Variants in RCOR1 observed in about 807,000 individuals in gnomAD.
RCOR1 encodes the protein REST corepressor 1, also known as REST corepressor.
In RCOR1, 12 loss-of-function variants were observed where a neutral mutation model predicts 64.0. That is an observed-to-expected ratio of 0.19 (90% CI 0.12 to 0.30). RCOR1 has a LOEUF of 0.30. RCOR1 is among the 10% of genes least tolerant of loss of function. The pLI is 1.00. For missense variants in RCOR1, 502 were observed against 621.2 expected, an observed-to-expected ratio of 0.81 and a Z score of 2.04; for synonymous variants, 279 against 227.2, an observed-to-expected ratio of 1.23 and a Z score of -2.05.
intron 2 of RCOR1, among the ~76,000 whole-genome samples, chr14:102,632,624 C>T (rs978305209): frequency 1.5e-4 from 6 of 40,638 alleles, no homozygotes; most frequent in Admixed American, 1.3e-3. Flanking sequence ...CTTTCCTTTC[C>T]TTTCCTTTCC....
intron 2 of RCOR1, among the ~76,000 whole-genome samples, chr14:102,623,418 ATTTATTTT>A (rs1482708733): frequency 8.2e-5 from 12 of 145,766 alleles, no homozygotes; most frequent in African/African-American, 3.1e-4. Flanking sequence ...TTATTTATTT[ATTTATTTT>A]GAGACGGAGT....
At chr14:102,612,758 G>A (rs1018125081) in intron 2 of RCOR1, among the ~76,000 whole-genome samples, 2 of 151,818 alleles carry the variant, frequency 1.3e-5, no homozygotes, top group Non-Finnish European at 2.9e-5. Context: ...GGAGACTGAG[G>A]TAGGAGGATT....
At position 102,592,677 on chromosome 14, in the gene RCOR1, G is replaced by T; in HGVS notation, c.-210G>T. 1 of 1,228,378 alleles carries T rather than the reference G, an allele frequency of 8.1e-7. No homozygotes were observed. The highest frequency in any genetic ancestry group is 1.0e-6 in the Non-Finnish European group (1 of 985,896). The allele number at this position is 1,228,378 out of a possible 1,614,324, so 76.1% of individuals were successfully genotyped here. On this transcript the variant is annotated 5_prime_UTR_variant, in exon 1 of 12. Transcript: ENST00000262241. ...GCCAGTGAAGTGAGGGCGGCGATGA[G>T]AGCGAAAGTTGCGCTCGGCTCGTCG... is the stretch of plus-strand genomic sequence containing the variant.
At chr14:102,657,390 A>C (rs1894748776) in intron 2 of RCOR1, 8 of 985,272 alleles carry the variant, frequency 8.1e-6, no homozygotes, top group Non-Finnish European at 9.6e-6. Flanking sequence ...TTCTTCTTGG[A>C]GCTAATTTCT....
At chr14:102,635,817 T>A (rs1305987227) in intron 2 of RCOR1, among the ~76,000 whole-genome samples, 1 of 152,036 alleles carries the variant, frequency 6.6e-6, no homozygotes, top group Admixed American at 6.6e-5. Flanking sequence ...CCAGGCGTGG[T>A]GTCATGCACC....
intron 7 of RCOR1, among the ~76,000 whole-genome samples, chr14:102,711,259 C>T (rs1189528731): frequency 6.6e-6 from 1 of 152,226 alleles, no homozygotes; most frequent in Non-Finnish European, 1.5e-5. Flanking sequence ...TTCCCTAGAA[C>T]AGCAGTCCTC....
rs1895562194 is a variant in RCOR1, at chr14:102,692,753, CTTCTTTTT to C, written c.446-8524_446-8517del. 2.3e-5 allele frequency among the ~76,000 whole-genome samples: 3 copies of C among 133,122 alleles called. No homozygotes were observed. In the South Asian group the frequency reaches 6.8e-4, roughly 30 times the overall value. The allele number at this position is 133,122 out of a possible 152,430, so 87.3% of individuals were successfully genotyped here. A position where few individuals can be genotyped will look rare whatever the true frequency, so the allele number is the denominator to read the frequency against. On this transcript the variant is annotated intron_variant, in intron 3 of 11. Transcript: ENST00000262241. ...CCTTCCTTCCTTCCTTCCTTCCTTCCTTCTTTTTCTTTTTCTTTTTTTTTTTTTTTTTG... is the reference window on the plus strand; with the variant it reads ...CCTTCCTTCCTTCCTTCCTTCCTTCCCTTTTTCTTTTTTTTTTTTTTTTTG...
rs779289881 is a variant in RCOR1 at position 102,700,615 on chromosome 14, C to T, written c.446-663C>T. 4.6e-5 allele frequency among the ~76,000 whole-genome samples: 7 copies of T among 152,246 alleles called. 1 individual carries two copies. Among genetic ancestry groups the T allele is most frequent in the South Asian group, 4.1e-4 (2 of 4,822 alleles). ...AACTCCTGGCCTCAAGGGATCCTCC[C>T]GCCTCAGCTTTCCGAAGTGTTAGGA... On this transcript the variant is annotated intron_variant, in intron 3 of 11. Coordinates refer to ENST00000262241, the MANE Select transcript of RCOR1 (RefSeq NM_015156.4).
intron 2 of RCOR1, among the ~76,000 whole-genome samples, chr14:102,606,411 AC>A (rs1893508116): frequency 6.6e-6 from 1 of 151,822 alleles, no homozygotes; most frequent in Non-Finnish European, 1.5e-5. Context: ...GCCCTGCTTT[AC>A]TTTTACTGGC....
At chr14:102,658,480 T>C (rs1156283779) in intron 2 of RCOR1, 2 of 975,528 alleles carry the variant, frequency 2.1e-6, no homozygotes, top group Non-Finnish European at 2.4e-6. Context: ...AGTGAGACTC[T>C]GAAAAAAATA....
rs1051109417 is a variant in RCOR1, at chr14:102,729,046, A to C, written c.*2540A>C. ...GTTTGGGGTGTGATAACTGCTTCAG[A>C]TGGAATGTTCACTTAAGCTTTGTCT... On this transcript the variant is annotated 3_prime_UTR_variant, in exon 12 of 12. Coordinates refer to ENST00000262241, the MANE Select transcript of RCOR1 (RefSeq NM_015156.4). 2.6e-5 allele frequency: 4 copies of C among 152,664 alleles called. No individual in the cohort carries two copies. Among genetic ancestry groups the C allele is most frequent in the African/African-American group, 9.6e-5 (4 of 41,468 alleles). 9.5% of individuals were successfully genotyped at this position (152,664 alleles called of 1,614,324 possible).
At chr14:102,594,192 G>C (rs1202460889) in intron 2 of RCOR1, among the ~76,000 whole-genome samples, 2 of 152,182 alleles carry the variant, frequency 1.3e-5, no homozygotes, top group African/African-American at 4.8e-5. Flanking sequence ...GTATGAGACT[G>C]TCTTTAAAGG....
intron 2 of RCOR1, among the ~76,000 whole-genome samples, chr14:102,621,321 A>G (rs900527791): frequency 1.4e-5 from 2 of 148,010 alleles, no homozygotes; most frequent in Non-Finnish European, 3.0e-5. Context: ...CTTAGGAGGC[A>G]TTTGAATGGA....
intron 2 of RCOR1, among the ~76,000 whole-genome samples, chr14:102,626,898 T>A (rs1415847592): frequency 6.6e-6 from 1 of 152,212 alleles, no homozygotes; most frequent in Non-Finnish European, 1.5e-5. Flanking sequence ...ACTTTTTGCC[T>A]ATTCTTTGCT....
rs200568375 is a variant in RCOR1, at chr14:102,654,734, G to GA, written c.362-27153dup. Among the ~76,000 whole-genome samples the GA allele has an allele frequency of 2.9e-3, 409 of 141,796 alleles. 2 individuals are homozygous for GA. The highest frequency in any genetic ancestry group is 3.9e-3 in the Admixed American group (55 of 14,240). The allele number at this position is 141,796 out of a possible 152,430, so 93.0% of individuals were successfully genotyped here. A position where few individuals can be genotyped will look rare whatever the true frequency, so the allele number is the denominator to read the frequency against. On this transcript the variant is annotated intron_variant, in intron 2 of 11. Transcript: ENST00000262241. ...ATAAAGAAAAAAATTTTTAAAAAAAGAAAAAAAATATAGAATTGGTATCTT... is the reference window on the plus strand; with the variant it reads ...ATAAAGAAAAAAATTTTTAAAAAAAGAAAAAAAAATATAGAATTGGTATCTT...
chr14:102,616,200 G>A (rs1317777605), intron 2 of RCOR1, among the ~76,000 whole-genome samples: 1 of 137,938 alleles, frequency 7.2e-6, no homozygotes, highest in Non-Finnish European at 1.5e-5. Context: ...AAAGATACAT[G>A]TGTATATGTG....
intron 2 of RCOR1, chr14:102,655,112 T>C (rs920447375): frequency 0.02 from 530 of 26,180 alleles, 3 homozygotes; most frequent in African/African-American, 0.16. Context: ...CGGACAACCT[T>C]TTTTTTTTTT....
intron 2 of RCOR1, among the ~76,000 whole-genome samples, chr14:102,634,869 G>GT (rs1172687608): frequency 4.9e-5 from 7 of 143,556 alleles, no homozygotes; most frequent in South Asian, 2.2e-4. Context: ...GCTAATTTTT[G>GT]TATTTTTTTT....
chr14:102,626,857 G>C (rs939653192), intron 2 of RCOR1, among the ~76,000 whole-genome samples: 1 of 152,150 alleles, frequency 6.6e-6, no homozygotes, highest in African/African-American at 2.4e-5. Context: ...AAGTGTGTAT[G>C]AGCTGCATTT....
Sources: gnomAD v4.1 joint callset for allele counts (sites outside exome capture counted in the v4.1 genomes callset) on GRCh38, gnomAD v4.1.1 for gene constraint, MANE v1.5 for transcripts, NCBI Gene and HGNC (gene_info 2026-07-23, HGNC 2026-07-21) for gene names.